Variants in KIF26B observed in about 807,000 individuals in gnomAD.
KIF26B encodes the protein kinesin-like protein KIF26B.
A neutral mutation model predicts 151.2 loss-of-function variants in KIF26B; 63 were observed. That is an observed-to-expected ratio of 0.42 (90% CI 0.34 to 0.51). KIF26B has a LOEUF of 0.51. KIF26B is among the 20% of genes least tolerant of loss of function. The probability of loss-of-function intolerance (pLI) is 0.07; values close to 1 mark genes in which losing one functional copy is unlikely to be tolerated. For missense variants in KIF26B, 2,813 were observed against 2,913.6 expected, an observed-to-expected ratio of 0.97 and a Z score of 0.79; for synonymous variants, 1,357 against 1,262.1, an observed-to-expected ratio of 1.08 and a Z score of -1.59.
intron 3 of KIF26B, among the ~76,000 whole-genome samples, chr1:245,415,007 A>G (rs1019598620): frequency 6.6e-6 from 1 of 152,140 alleles, no homozygotes; most frequent in African/African-American, 2.4e-5. Flanking sequence ...CTTTGGACCA[A>G]TCATCGGACT....
chr1:245,325,772 C>G (rs760998703), intron 2 of KIF26B, among the ~76,000 whole-genome samples: 1 of 151,832 alleles, frequency 6.6e-6, no homozygotes, highest in Non-Finnish European at 1.5e-5. Context: ...GGAATAGGAA[C>G]GTCAATTCAA....
chr1:245,540,652 G>C lies in KIF26B; in HGVS notation c.1167-115G>C, dbSNP rs1008420471. The C allele has an allele frequency of 1.1e-6, 1 of 919,300 alleles. No individual in the cohort carries two copies. The highest frequency in any genetic ancestry group is 1.8e-6 in the Non-Finnish European group (1 of 546,326). 56.9% of individuals were successfully genotyped at this position (919,300 alleles called of 1,614,324 possible). A position where few individuals can be genotyped will look rare whatever the true frequency, so the allele number is the denominator to read the frequency against. ...ACAGAGGACACTGAGCAGGAGGAGA[G>C]AAGGAATGATTAGGCCTCAGAAAGA... On this transcript the variant is annotated intron_variant, in intron 4 of 14. Transcript: ENST00000407071. The surrounding 1 kb of genome is among the most constrained non-coding windows in gnomAD (Gnocchi z 4.6).
In KIF26B at chr1:245,437,366, C is replaced by T. The variant is rs1382636729; in HGVS notation, c.1166+17621C>T. 2.0e-5 allele frequency among the ~76,000 whole-genome samples: 3 copies of T among 152,082 alleles called. No individual in the cohort carries two copies. The East Asian group carries it at 5.8e-4, about 29-fold the overall frequency. Reference sequence around the variant, plus strand: ...TGTCTTTTGGATAAATCAGAGAATCCCATATCATTTGTTACTTAGGATCCT... The same window carrying T: ...TGTCTTTTGGATAAATCAGAGAATCTCATATCATTTGTTACTTAGGATCCT... On this transcript the variant is annotated intron_variant, in intron 4 of 14. Transcript: ENST00000407071.
chr1:245,190,207 C>A (rs1410679851), intron 2 of KIF26B, among the ~76,000 whole-genome samples: 1 of 152,208 alleles, frequency 6.6e-6, no homozygotes, highest in Non-Finnish European at 1.5e-5. Context: ...AAGGGAGCTA[C>A]AATTCACGAT....
intron 4 of KIF26B, chr1:245,511,016 C>G: frequency 1.4e-6 from 1 of 703,242 alleles, no homozygotes; most frequent in Non-Finnish European, 2.6e-6. Context: ...GAGATGGCCC[C>G]AGATCTGCAA....
At chr1:245,437,415 A>G (rs1357857972) in intron 4 of KIF26B, among the ~76,000 whole-genome samples, 3 of 152,222 alleles carry the variant, frequency 2.0e-5, no homozygotes, top group Non-Finnish European at 2.9e-5. Context: ...TAGCTTTCAC[A>G]CTAAAGATAG....
chr1:245,554,679 C>T (rs928519901), intron 5 of KIF26B, among the ~76,000 whole-genome samples: 1 of 152,138 alleles, frequency 6.6e-6, no homozygotes, highest in African/African-American at 2.4e-5. Context: ...CTCCCTCCTT[C>T]TTTTTCACTG....
intron 2 of KIF26B, among the ~76,000 whole-genome samples, chr1:245,333,287 C>T (rs35950228): frequency 0.26 from 39,027 of 152,118 alleles, 7,466 homozygotes; most frequent in African/African-American, 0.51. Flanking sequence ...TTCGGACACA[C>T]GCTACAGCCT....
At chr1:245,357,814 A>G (rs993544690) in intron 2 of KIF26B, among the ~76,000 whole-genome samples, 12 of 152,196 alleles carry the variant, frequency 7.9e-5, no homozygotes, top group African/African-American at 2.9e-4. Context: ...GGTGGCCTGA[A>G]GAAAATTGTG....
intron 2 of KIF26B, among the ~76,000 whole-genome samples, chr1:245,194,883 G>GGT (rs1252993695): frequency 3.3e-5 from 5 of 152,132 alleles, no homozygotes; most frequent in East Asian, 1.9e-4. Flanking sequence ...TGTGTATGGG[G>GGT]GTGTGTGTGT....
intron 4 of KIF26B, among the ~76,000 whole-genome samples, chr1:245,443,725 G>A (rs1308781977): frequency 1.0e-5 from 1 of 100,392 alleles, no homozygotes. Flanking sequence ...CACCTAGAGC[G>A]GTCATCTCCC....
At chr1:245,351,252 G>A (rs1672563040) in intron 2 of KIF26B, among the ~76,000 whole-genome samples, 1 of 152,188 alleles carries the variant, frequency 6.6e-6, no homozygotes, top group Admixed American at 6.5e-5. Context: ...TTACCTGGGT[G>A]GGCCCTTTTT....
chr1:245,499,540 C>T (rs984683996), intron 4 of KIF26B, among the ~76,000 whole-genome samples: 3 of 152,100 alleles, frequency 2.0e-5, no homozygotes, highest in East Asian at 1.9e-4. Flanking sequence ...ACACACAGCT[C>T]GGAACCCTAG....
chr1:245,343,736 C>T (rs1468641241), intron 2 of KIF26B, among the ~76,000 whole-genome samples: 6 of 152,072 alleles, frequency 3.9e-5, no homozygotes, highest in Non-Finnish European at 7.4e-5. Context: ...TATATTTGGG[C>T]GTGAGATGTT....
rs574884878 is a variant in KIF26B, at chr1:245,155,152, C to G, written c.-273C>G. Reference sequence around the variant, plus strand: ...GCCAGTTCTGTGGATGTGGCCGTGACAAGAGGACGTGCGGCTGGAAGAGGC... The same window carrying G: ...GCCAGTTCTGTGGATGTGGCCGTGAGAAGAGGACGTGCGGCTGGAAGAGGC... On this transcript the variant is annotated 5_prime_UTR_variant, in exon 1 of 15. Transcript: ENST00000407071. The G allele has an allele frequency of 8.4e-4, 461 of 549,308 alleles. 1 individual carries two copies. The highest frequency in any genetic ancestry group is 8.4e-3 in the African/African-American group (427 of 50,904). 34.0% of individuals were successfully genotyped at this position (549,308 alleles called of 1,614,324 possible).
chr1:245,565,133 T>TA (rs1222568443), intron 5 of KIF26B, among the ~76,000 whole-genome samples: 8 of 152,160 alleles, frequency 5.3e-5, no homozygotes, highest in Non-Finnish European at 8.8e-5. Context: ...ACCCTCTCTA[T>TA]AAAAAATTTT....
chr1:245,282,517 C>G (rs1671076031), intron 2 of KIF26B, among the ~76,000 whole-genome samples: 1 of 152,220 alleles, frequency 6.6e-6, no homozygotes, highest in Admixed American at 6.5e-5. Context: ...ATGGCCGCCC[C>G]CACGTATCCC....
chr1:245,568,100 T>C (rs2043027961), intron 5 of KIF26B, among the ~76,000 whole-genome samples: 1 of 139,288 alleles, frequency 7.2e-6, no homozygotes, highest in African/African-American at 2.7e-5. Context: ...ACTTGGGAGG[T>C]TCAGTGGAGG....
At chr1:245,402,090 G>T (rs560714692) in intron 3 of KIF26B, among the ~76,000 whole-genome samples, 1 of 152,298 alleles carries the variant, frequency 6.6e-6, no homozygotes, top group Non-Finnish European at 1.5e-5. Flanking sequence ...GTGAGGCTGG[G>T]CTGGCCTGCC....
Sources: allele counts gnomAD v4.1 joint callset (sites outside exome capture counted in the v4.1 genomes callset), GRCh38; gene constraint gnomAD v4.1.1; non-coding constraint Gnocchi (gnomAD v3.1); transcripts MANE v1.5; gene names NCBI Gene and HGNC (gene_info 2026-07-23, HGNC 2026-07-21).